PARM1: variants seen among roughly 807,000 people sequenced by gnomAD.
PARM1 encodes prostate androgen-regulated mucin-like protein 1.
A neutral mutation model predicts 24.6 loss-of-function variants in PARM1; 14 were observed. The observed-to-expected ratio is 0.57, with a 90% confidence interval of 0.38 to 0.89. PARM1 has a LOEUF of 0.89. Among genes scored for constraint, PARM1 ranks in the 40% least tolerant of loss-of-function variants. The pLI is 0.00. For synonymous variants in PARM1, 179 were observed against 156.6 expected, an observed-to-expected ratio of 1.14 and a Z score of -1.07; for missense variants, 362 against 380.4, an observed-to-expected ratio of 0.95 and a Z score of 0.40.
chr4:74,995,822 G>C (rs371946486), intron 1 of PARM1, among the ~76,000 whole-genome samples: 1 of 152,040 alleles, frequency 6.6e-6, no homozygotes. Context: ...TCACCAGAGC[G>C]ATCTTCCAAA....
intron 1 of PARM1, among the ~76,000 whole-genome samples, chr4:75,010,854 A>G (rs1204196501): frequency 2.6e-5 from 4 of 152,194 alleles, no homozygotes; most frequent in Non-Finnish European, 4.4e-5. Context: ...TTGCATTGCT[A>G]TAAAGGAATA....
At chr4:74,964,553 G>GCACACACACACACACACACACACA (rs35380033) in intron 1 of PARM1, among the ~76,000 whole-genome samples, 77 of 143,382 alleles carry the variant, frequency 5.4e-4, no homozygotes, top group African/African-American at 2.0e-3. Flanking sequence ...ACCTGGCAAA[G>GCACACACACACACACACACACACA]CACACACACA....
At chr4:74,943,805 A>G (rs1004207687) in intron 1 of PARM1, among the ~76,000 whole-genome samples, 1 of 152,242 alleles carries the variant, frequency 6.6e-6, no homozygotes, top group African/African-American at 2.4e-5. Flanking sequence ...TAAGGGAAGC[A>G]CTATTGAAAG....
intron 2 of PARM1, among the ~76,000 whole-genome samples, chr4:75,021,310 C>T (rs1299579285): frequency 6.6e-6 from 1 of 152,194 alleles, no homozygotes; most frequent in African/African-American, 2.4e-5. Context: ...CTTTCTGCTG[C>T]CCACACCAAG....
At position 75,035,594 on chromosome 4, in the gene PARM1, G is replaced by A. The variant is rs566414706; in HGVS notation, c.848+1633G>A. Among the ~76,000 whole-genome samples the A allele has an allele frequency of 8.5e-5, 13 of 152,050 alleles. No homozygotes were observed. The East Asian group carries it at 1.9e-3, about 23-fold the overall frequency. On this transcript the variant is annotated intron_variant, in intron 3 of 3. Transcript: ENST00000307428. ...CTGCTGCCTCCTCTCATCCCCACTC[G>A]CCACCCAGCCCCACCCAGTGCCCAC...
At chr4:74,994,985 C>G (rs1722550076) in intron 1 of PARM1, among the ~76,000 whole-genome samples, 1 of 151,976 alleles carries the variant, frequency 6.6e-6, no homozygotes, top group Non-Finnish European at 1.5e-5. Flanking sequence ...TCCAAAACAG[C>G]TCTCATAAAT....
chr4:75,007,185 A>C (rs1722789615), intron 1 of PARM1, among the ~76,000 whole-genome samples: 1 of 152,240 alleles, frequency 6.6e-6, no homozygotes, highest in Non-Finnish European at 1.5e-5. Flanking sequence ...ATACCATCTC[A>C]CACCAGTTAG....
rs1723325416 is a variant in PARM1, at chr4:75,034,071, A to T, written c.848+110A>T. The T allele has an allele frequency of 6.0e-6, 5 of 838,462 alleles. No homozygotes were observed. In the South Asian group the frequency reaches 8.6e-5, roughly 14 times the overall value. 51.9% of individuals were successfully genotyped at this position (838,462 alleles called of 1,614,324 possible). ...TTAATAGGTATCTTAGCCCTTAGAA[A>T]TATTGGCAGAGAAGTGAAAAATGGC... is the stretch of plus-strand genomic sequence containing the variant. On this transcript the variant is annotated intron_variant, in intron 3 of 3. Coordinates refer to ENST00000307428, the MANE Select transcript of PARM1 (RefSeq NM_015393.4).
chr4:74,950,218 G>A (rs540283799), intron 1 of PARM1, among the ~76,000 whole-genome samples: 18 of 152,198 alleles, frequency 1.2e-4, no homozygotes, highest in African/African-American at 2.2e-4. Flanking sequence ...CCATAAACTC[G>A]GAAAGCTTAA....
At chr4:74,987,530 A>G (rs2109776877) in intron 1 of PARM1, among the ~76,000 whole-genome samples, 2 of 152,340 alleles carry the variant, frequency 1.3e-5, no homozygotes, top group Middle Eastern at 6.8e-3. Flanking sequence ...TATTTGTAAA[A>G]ACTTCTTTTA....
chr4:75,024,954 CA>C (rs1393672668), intron 2 of PARM1, among the ~76,000 whole-genome samples: 1 of 152,240 alleles, frequency 6.6e-6, no homozygotes, highest in African/African-American at 2.4e-5. Flanking sequence ...CTTGGTCTCC[CA>C]AAGTGCCGGG....
intron 2 of PARM1, among the ~76,000 whole-genome samples, chr4:75,021,115 A>G (rs1723081391): frequency 6.6e-6 from 1 of 152,174 alleles, no homozygotes; most frequent in South Asian, 2.1e-4. Flanking sequence ...TAAATGTCCA[A>G]TGAATCAATC....
chr4:74,973,477 C>T, intron 1 of PARM1, among the ~76,000 whole-genome samples: 1 of 149,576 alleles, frequency 6.7e-6, no homozygotes, highest in South Asian at 2.2e-4. Context: ...CCCTCACCGC[C>T]TCCCCAGTTA....
At chr4:74,950,261 A>G in intron 1 of PARM1, among the ~76,000 whole-genome samples, 1 of 152,216 alleles carries the variant, frequency 6.6e-6, no homozygotes, top group Non-Finnish European at 1.5e-5. Flanking sequence ...ACACTTCTGG[A>G]AACTGGAAGC....
At chr4:74,939,263 A>G (rs370132546) in intron 1 of PARM1, among the ~76,000 whole-genome samples, 2 of 152,262 alleles carry the variant, frequency 1.3e-5, no homozygotes, top group South Asian at 4.2e-4. Flanking sequence ...ATGGGAAAAC[A>G]TGGAGATTTA....
intron 2 of PARM1, among the ~76,000 whole-genome samples, chr4:75,022,314 G>A (rs984176117): frequency 6.6e-6 from 1 of 152,152 alleles, no homozygotes; most frequent in Non-Finnish European, 1.5e-5. Flanking sequence ...GGCTCCAGCT[G>A]TCAGATTTTA....
chr4:75,012,754 C>T lies in PARM1; in HGVS notation c.373C>T (p.His125Tyr), dbSNP rs1301506973. The change falls in exon 2 of 4, where the codon CAC (histidine) becomes TAC (tyrosine). Residue 125 changes from histidine to tyrosine, a missense_variant. Coordinates refer to ENST00000307428, the MANE Select transcript of PARM1 (RefSeq NM_015393.4). ...GVHLTTTLEE[H>Y]SSGTPEAGVA... ...CCACTTAACAACCACGTTGGAGGAA[C>T]ACAGCTCGGGCACTCCTGAAGCAGG... The T allele has an allele frequency of 3.1e-6, 5 of 1,613,906 alleles. No homozygotes were observed. In the African/African-American group the frequency reaches 4.0e-5, roughly 13 times the overall value.
chr4:75,035,267 G>T (rs1287265850), intron 3 of PARM1, among the ~76,000 whole-genome samples: 1 of 152,042 alleles, frequency 6.6e-6, no homozygotes, highest in East Asian at 1.9e-4. Flanking sequence ...TATATGTGTT[G>T]CTTGTTTATT....
intron 3 of PARM1, among the ~76,000 whole-genome samples, chr4:75,037,809 A>G (rs1310452448): frequency 6.6e-6 from 1 of 152,248 alleles, no homozygotes; most frequent in African/African-American, 2.4e-5. Context: ...TCTGCAAAAA[A>G]TAGAGTTAAT....
Sources: gnomAD v4.1 joint callset for allele counts (sites outside exome capture counted in the v4.1 genomes callset) on GRCh38, gnomAD v4.1.1 for gene constraint, MANE v1.5 for transcripts, NCBI Gene and HGNC (gene_info 2026-07-23, HGNC 2026-07-21) for gene names.